The following PDCL2 variants were observed in gnomAD, a reference collection of about 807,000 sequenced individuals.
PDCL2 encodes phosducin-like protein 2.
In PDCL2, 23 loss-of-function variants were observed where a neutral mutation model predicts 30.3. That is an observed-to-expected ratio of 0.76 (90% CI 0.55 to 1.08). The LOEUF (loss-of-function observed/expected upper bound fraction) is 1.08, where lower values mean the gene tolerates loss of function less well. Among genes scored for constraint, PDCL2 ranks in the 50% least tolerant of loss-of-function variants. The pLI is 0.00. For synonymous variants in PDCL2, 68 were observed against 86.2 expected, an observed-to-expected ratio of 0.79 and a Z score of 1.17; for missense variants, 243 against 282.3, an observed-to-expected ratio of 0.86 and a Z score of 1.00.
chr4:55,557,826 C>T (rs62309759), intron 5 of PDCL2, among the ~76,000 whole-genome samples: 24,724 of 151,730 alleles, frequency 0.16, 2,538 homozygotes, highest in Non-Finnish European at 0.21. Context: ...AACAAGTTGG[C>T]CGAGCGTGGT....
Position 55,580,004 on chromosome 4 carries a change from T to A in PDCL2, c.218+817A>T, listed in dbSNP as rs139092377. ...CTGGGATTACAGGCAAGCACCACCA[T>A]GCCTGGCTAACTTTGTATTTTTAGT... On this transcript the variant is annotated intron_variant, in intron 3 of 5. Transcript: ENST00000295645. Among the ~76,000 whole-genome samples, 796 of 152,112 alleles carry A rather than the reference T, an allele frequency of 5.2e-3. 11 individuals are homozygous for A. Among genetic ancestry groups the A allele is most frequent in the African/African-American group, 0.018 (748 of 41,508 alleles).
chr4:55,564,240 C>T (rs1560499421), intron 4 of PDCL2, among the ~76,000 whole-genome samples: 1 of 152,120 alleles, frequency 6.6e-6, no homozygotes, highest in East Asian at 1.9e-4. Context: ...TGGGGTGGGT[C>T]AGTAGTGTGA....
intron 4 of PDCL2, among the ~76,000 whole-genome samples, chr4:55,569,419 T>C (rs914565951): frequency 2.6e-5 from 4 of 152,140 alleles, no homozygotes; most frequent in Admixed American, 2.6e-4. Context: ...ATTTTCTCAT[T>C]CCTTCCACTT....
chr4:55,573,396 C>CT (rs1267895286), intron 3 of PDCL2, among the ~76,000 whole-genome samples: 3 of 152,144 alleles, frequency 2.0e-5, no homozygotes, highest in African/African-American at 4.8e-5. Flanking sequence ...AATATTACAT[C>CT]TTTTTTTAAA....
chr4:55,588,847 T>A (rs2110170233), intron 1 of PDCL2, among the ~76,000 whole-genome samples: 1 of 147,900 alleles, frequency 6.8e-6, no homozygotes, highest in South Asian at 2.1e-4. Flanking sequence ...GTTTTATAGT[T>A]TTCAGTATTT....
chr4:55,581,287 T>C (rs1176250860), intron 2 of PDCL2, among the ~76,000 whole-genome samples: 4 of 151,996 alleles, frequency 2.6e-5, no homozygotes, highest in Non-Finnish European at 5.9e-5. Context: ...AAAGTTAGAC[T>C]TGGTCTCAAA....
At chr4:55,559,571 G>T (rs1732071821) in intron 5 of PDCL2, among the ~76,000 whole-genome samples, 1 of 152,086 alleles carries the variant, frequency 6.6e-6, no homozygotes, top group Admixed American at 6.5e-5. Context: ...ATATACTTAA[G>T]TTAAAGCATA....
intron 3 of PDCL2, among the ~76,000 whole-genome samples, chr4:55,572,275 G>A (rs200911763): frequency 6.7e-6 from 1 of 148,658 alleles, no homozygotes; most frequent in Non-Finnish European, 1.5e-5. Context: ...AATATGGGGG[G>A]AATTAAATGC....
intron 4 of PDCL2, among the ~76,000 whole-genome samples, chr4:55,565,348 T>C (rs1732232732): frequency 6.6e-6 from 1 of 152,018 alleles, no homozygotes; most frequent in Non-Finnish European, 1.5e-5. Flanking sequence ...GGCTGGGTAA[T>C]TATAAAGGAA....
intron 3 of PDCL2, among the ~76,000 whole-genome samples, chr4:55,577,070 G>T (rs902725780): frequency 1.9e-4 from 29 of 152,078 alleles, no homozygotes; most frequent in Non-Finnish European, 3.7e-4. Context: ...ACTAATTTTT[G>T]TATTTTAGTA....
rs1733021478 is a variant in PDCL2, at chr4:55,592,156, C to T, written c.-47G>A. The T allele has an allele frequency of 1.9e-6, 3 of 1,601,674 alleles. No homozygotes were observed. The highest frequency in any genetic ancestry group is 2.6e-6 in the Non-Finnish European group (3 of 1,174,910). On this transcript the variant is annotated 5_prime_UTR_variant, in exon 1 of 6. Transcript: ENST00000295645. ...AGAGCCCGCGTCGTCCTGCAGCTGG[C>T]GAGGCGCCACGGATGGAGACCCGCA...
chr4:55,592,058 G>C, intron 1 of PDCL2, 46 bp downstream of exon 1: 1 of 1,604,018 alleles, frequency 6.2e-7, no homozygotes, highest in Non-Finnish European at 8.5e-7. Context: ...CCCAGCTGGA[G>C]ACCCACTGGG....
chr4:55,586,697 G>A (rs923511275), intron 1 of PDCL2, among the ~76,000 whole-genome samples: 6 of 152,158 alleles, frequency 3.9e-5, no homozygotes, highest in African/African-American at 1.4e-4. Flanking sequence ...TACCTGGAAG[G>A]AGAATTACTG....
chr4:55,576,481 C>T (rs1349000077), intron 3 of PDCL2, among the ~76,000 whole-genome samples: 1 of 152,126 alleles, frequency 6.6e-6, no homozygotes, highest in Admixed American at 6.6e-5. Context: ...TTAATGGATG[C>T]ACAATATATA....
chr4:55,584,088 G>A (rs4336288), intron 1 of PDCL2, among the ~76,000 whole-genome samples: 114,973 of 152,082 alleles, frequency 0.76, 43,846 homozygotes, highest in East Asian at 0.9. Context: ...TTTCATCAAC[G>A]TTTTATCATT....
intron 5 of PDCL2, among the ~76,000 whole-genome samples, chr4:55,562,057 A>C (rs1560498783): frequency 1.3e-5 from 2 of 151,930 alleles, no homozygotes; most frequent in Non-Finnish European, 2.9e-5. Flanking sequence ...GTGTAAAAAA[A>C]GTGTGATGGC....
chr4:55,577,340 A>C (rs1265651393), intron 3 of PDCL2, among the ~76,000 whole-genome samples: 5 of 152,246 alleles, frequency 3.3e-5, no homozygotes, highest in African/African-American at 1.2e-4. Flanking sequence ...GGGGGACACA[A>C]ACATTCAGAC....
At chr4:55,565,358 A>G (rs879371389) in intron 4 of PDCL2, among the ~76,000 whole-genome samples, 4 of 152,160 alleles carry the variant, frequency 2.6e-5, no homozygotes, top group African/African-American at 4.8e-5. Flanking sequence ...TTATAAAGGA[A>G]AGAGGTTTAA....
At chr4:55,589,040 T>C (rs1732933733) in intron 1 of PDCL2, among the ~76,000 whole-genome samples, 1 of 152,076 alleles carries the variant, frequency 6.6e-6, no homozygotes, top group African/African-American at 2.4e-5. Flanking sequence ...TGTATTTTTT[T>C]AGTAGAGACG....
Sources: allele counts gnomAD v4.1 joint callset (sites outside exome capture counted in the v4.1 genomes callset), GRCh38; gene constraint gnomAD v4.1.1; transcripts MANE v1.5; gene names NCBI Gene and HGNC (gene_info 2026-07-23, HGNC 2026-07-21).